Variants in RUNX2 observed in about 807,000 individuals in gnomAD.
The protein encoded by RUNX2 is runt-related transcription factor 2.
In RUNX2, 10 loss-of-function variants were observed where a neutral mutation model predicts 51.7. That is an observed-to-expected ratio of 0.19 (90% CI 0.12 to 0.33). RUNX2 has a LOEUF of 0.33. RUNX2 is among the 10% of genes least tolerant of loss of function. RUNX2 has a pLI of 1.00. For synonymous variants in RUNX2, 276 were observed against 273.6 expected, an observed-to-expected ratio of 1.01 and a Z score of -0.09; for missense variants, 562 against 691.3, an observed-to-expected ratio of 0.81 and a Z score of 2.10.
Position 45,425,113 on chromosome 6 carries a change from T to C in RUNX2, c.423+2156T>C, listed in dbSNP as rs557114404. Among the ~76,000 whole-genome samples the C allele has an allele frequency of 4.6e-5, 7 of 152,084 alleles. No homozygotes were observed. In the South Asian group the frequency reaches 1.2e-3, roughly 27 times the overall value. On this transcript the variant is annotated intron_variant, in intron 3 of 8. Coordinates refer to ENST00000647337, the MANE Select transcript of RUNX2 (RefSeq NM_001024630.4). Reference sequence around the variant, plus strand: ...ACAGCAAAAAATACAAATAAGTAGATACCTTGTCTGCACAATGCCACAAAT... The same window carrying C: ...ACAGCAAAAAATACAAATAAGTAGACACCTTGTCTGCACAATGCCACAAAT...
chr6:45,425,957 T>C (rs891989225), intron 3 of RUNX2, among the ~76,000 whole-genome samples: 2 of 152,174 alleles, frequency 1.3e-5, no homozygotes, highest in African/African-American at 4.8e-5. Context: ...CAATATTTAT[T>C]GAGCCCGTAT....
At chr6:45,471,821 A>G (rs967020261) in intron 5 of RUNX2, among the ~76,000 whole-genome samples, 5 of 152,200 alleles carry the variant, frequency 3.3e-5, no homozygotes, top group Admixed American at 3.3e-4. Context: ...GGTATTGTCT[A>G]TTAATGGTTA....
At chr6:45,330,514 A>G (rs372257373) in intron 2 of RUNX2, among the ~76,000 whole-genome samples, 3 of 152,130 alleles carry the variant, frequency 2.0e-5, no homozygotes, top group East Asian at 3.9e-4. Context: ...TTTAAAAACC[A>G]GATCAGGAAC....
At chr6:45,532,628 C>T (rs1485297179) in intron 7 of RUNX2, among the ~76,000 whole-genome samples, 3 of 152,326 alleles carry the variant, frequency 2.0e-5, no homozygotes, top group East Asian at 3.9e-4. Context: ...ACCTCTTCCT[C>T]CTCTGCACCT....
At chr6:45,497,187 C>T (rs375564805) in intron 6 of RUNX2, among the ~76,000 whole-genome samples, 35 of 152,352 alleles carry the variant, frequency 2.3e-4, no homozygotes, top group African/African-American at 7.9e-4. Context: ...TAGGTTGCAG[C>T]GTTCCCTTTC....
chr6:45,333,412 T>C (rs1044221870), intron 2 of RUNX2, among the ~76,000 whole-genome samples: 12 of 151,698 alleles, frequency 7.9e-5, no homozygotes, highest in African/African-American at 2.9e-4. Flanking sequence ...GCTCTTTTAC[T>C]GTATACAGTA....
At chr6:45,480,943 A>G (rs1324063734) in intron 5 of RUNX2, among the ~76,000 whole-genome samples, 1 of 152,052 alleles carries the variant, frequency 6.6e-6, no homozygotes, top group Non-Finnish European at 1.5e-5. Context: ...TTCTTTGGTT[A>G]TTACTTTTTA....
chr6:45,443,408 T>C (rs1798898161), intron 5 of RUNX2, among the ~76,000 whole-genome samples: 1 of 152,054 alleles, frequency 6.6e-6, no homozygotes, highest in Non-Finnish European at 1.5e-5. Context: ...TTCCTCTAGA[T>C]TTGATTGGTT....
chr6:45,399,945 G>A (rs764691708), intron 2 of RUNX2, among the ~76,000 whole-genome samples: 2 of 143,000 alleles, frequency 1.4e-5, no homozygotes, highest in Non-Finnish European at 3.0e-5. Flanking sequence ...TCTTTAGAAA[G>A]ATGAATTCAT....
At chr6:45,397,181 G>C (rs891623892) in intron 2 of RUNX2, among the ~76,000 whole-genome samples, 2 of 151,226 alleles carry the variant, frequency 1.3e-5, no homozygotes, top group Non-Finnish European at 2.9e-5. Context: ...GCAGCTCACT[G>C]CAAGCTCTGC....
intron 2 of RUNX2, among the ~76,000 whole-genome samples, chr6:45,354,909 G>A (rs911911138): frequency 1.3e-5 from 2 of 152,098 alleles, no homozygotes. Flanking sequence ...TGGGCTTTTG[G>A]TATTTTTTAA....
At chr6:45,505,137 T>C (rs970332663) in intron 6 of RUNX2, among the ~76,000 whole-genome samples, 4 of 152,166 alleles carry the variant, frequency 2.6e-5, no homozygotes, top group African/African-American at 9.7e-5. Flanking sequence ...CTGGTGTGCC[T>C]TGTTGTGAGC....
chr6:45,479,919 C>T (rs1031174496), intron 5 of RUNX2, among the ~76,000 whole-genome samples: 7 of 152,274 alleles, frequency 4.6e-5, no homozygotes, highest in East Asian at 1.9e-4. Context: ...TTTTATATAA[C>T]GATAACTTGA....
At chr6:45,391,382 C>T (rs1234290851) in intron 2 of RUNX2, among the ~76,000 whole-genome samples, 1 of 152,206 alleles carries the variant, frequency 6.6e-6, no homozygotes, top group Non-Finnish European at 1.5e-5. Flanking sequence ...GCACCTGCTT[C>T]ACCCTTCATC....
rs115130023 is a variant in RUNX2 at position 45,514,533 on chromosome 6, T to A, written c.1021+2126T>A. Among the ~76,000 whole-genome samples the A allele has an allele frequency of 2.1e-3, 320 of 152,280 alleles. 4 individuals are homozygous for A. Among genetic ancestry groups the A allele is most frequent in the African/African-American group, 7.5e-3 (312 of 41,542 alleles). On this transcript the variant is annotated intron_variant, in intron 7 of 8. Coordinates refer to ENST00000647337, the MANE Select transcript of RUNX2 (RefSeq NM_001024630.4). Reference sequence around the variant, plus strand: ...TGGAGTTGTCACTGGTAAAGTAACATGGTGCCAGGGTGGGAGGTTCTGTAT... The same window carrying A: ...TGGAGTTGTCACTGGTAAAGTAACAAGGTGCCAGGGTGGGAGGTTCTGTAT...
intron 4 of RUNX2, among the ~76,000 whole-genome samples, chr6:45,432,462 T>C (rs1798569310): frequency 6.6e-6 from 1 of 152,348 alleles, no homozygotes; most frequent in Admixed American, 6.5e-5. Context: ...AGGTTACCTC[T>C]ATATGATTTA....
intron 2 of RUNX2, among the ~76,000 whole-genome samples, chr6:45,362,617 A>T (rs1238173680): frequency 6.6e-6 from 1 of 152,188 alleles, no homozygotes; most frequent in Non-Finnish European, 1.5e-5. Context: ...TCTATAAAGA[A>T]ATTCCTAAGG....
chr6:45,411,197 AT>A (rs748424731), intron 2 of RUNX2, among the ~76,000 whole-genome samples: 12 of 152,372 alleles, frequency 7.9e-5, no homozygotes, highest in Middle Eastern at 6.8e-3. Context: ...GGTTTTTCAC[AT>A]AATAGAACAA....
At chr6:45,536,522 AC>A (rs1245479730) in intron 7 of RUNX2, among the ~76,000 whole-genome samples, 2 of 152,172 alleles carry the variant, frequency 1.3e-5, no homozygotes, top group Non-Finnish European at 2.9e-5. Context: ...GGGCTGTTGG[AC>A]CACACCTGGG....
Sources: allele counts gnomAD v4.1 joint callset (sites outside exome capture counted in the v4.1 genomes callset), GRCh38; gene constraint gnomAD v4.1.1; transcripts MANE v1.5; gene names NCBI Gene and HGNC (gene_info 2026-07-23, HGNC 2026-07-21).